The following UHRF2 variants were observed in gnomAD, a reference collection of about 807,000 sequenced individuals.
UHRF2 encodes ubiquitin like with PHD and ring finger domains 2.
UHRF2 carries 23 observed loss-of-function variants against 96.8 expected under a neutral mutation model. The observed-to-expected ratio is 0.24, with a 90% confidence interval of 0.17 to 0.34. The LOEUF is 0.34. Ranked by LOEUF, UHRF2 falls within the 10% of genes least tolerant of loss-of-function variation. The pLI, the probability that UHRF2 is intolerant of heterozygous loss-of-function variation, is 1.00. For synonymous variants in UHRF2, 385 were observed against 332.6 expected, an observed-to-expected ratio of 1.16 and a Z score of -1.72; for missense variants, 685 against 981.5, an observed-to-expected ratio of 0.70 and a Z score of 4.04.
chr9:6,497,132 C>CT, intron 10 of UHRF2, 66 bp from the exon 11 acceptor site: 1 of 1,430,566 alleles, frequency 7.0e-7, no homozygotes, highest in Admixed American at 1.9e-5. Context: ...TTTAATTGAG[C>CT]TAATGACTCG....
chr9:6,449,416 A>T (rs1467417841), intron 3 of UHRF2: 1 of 152,268 alleles, frequency 6.6e-6, no homozygotes, highest in Non-Finnish European at 1.5e-5. Context: ...TCAAAATGAT[A>T]GACCAGCATC....
At chr9:6,475,275 A>G in intron 4 of UHRF2, 116 bp from the exon 5 acceptor site, 1 of 546,446 alleles carries the variant, frequency 1.8e-6, no homozygotes, top group Non-Finnish European at 3.1e-6. Flanking sequence ...AATAGCTCTA[A>G]TCTCAATTTA....
intron 11 of UHRF2, among the ~76,000 whole-genome samples, chr9:6,497,751 C>T (rs191394666): frequency 1.3e-5 from 2 of 152,206 alleles, no homozygotes; most frequent in Admixed American, 6.5e-5. Flanking sequence ...GAGGCATTTG[C>T]TGCCATCTTT....
intron 9 of UHRF2, among the ~76,000 whole-genome samples, chr9:6,487,504 T>A (rs972677635): frequency 2.0e-5 from 3 of 152,202 alleles, no homozygotes; most frequent in Non-Finnish European, 4.4e-5. Context: ...GTAGCTGGGA[T>A]TACAAGTATG....
chr9:6,421,851 C>T (rs1017277533), intron 2 of UHRF2, among the ~76,000 whole-genome samples: 1 of 152,116 alleles, frequency 6.6e-6, no homozygotes, highest in African/African-American at 2.4e-5. Flanking sequence ...TTTCTCTAGG[C>T]AGTATGTTTT....
rs2297445 is a variant in UHRF2, at chr9:6,496,863, A to G, written c.1605-335A>G. On this transcript the variant is annotated intron_variant, in intron 10 of 15. Transcript: ENST00000276893. ...AAAAATCATTTGCTTTAGTTTTCCA[A>G]CGTTCTCCCTTCCCCCAACAAACGT... The G allele has an allele frequency of 1.5e-4, 27 of 180,574 alleles. No individual in the cohort carries two copies. The East Asian group carries it at 2.5e-3, about 16-fold the overall frequency. The allele number at this position is 180,574 out of a possible 1,614,324, so 11.2% of individuals were successfully genotyped here. A position where few individuals can be genotyped will look rare whatever the true frequency, so the allele number is the denominator to read the frequency against.
At chr9:6,443,317 T>C (rs936933349) in intron 3 of UHRF2, among the ~76,000 whole-genome samples, 57 of 152,188 alleles carry the variant, frequency 3.7e-4, no homozygotes, top group African/African-American at 1.3e-3. Context: ...GATTATCTCA[T>C]GTAATCTTCA....
intron 8 of UHRF2, among the ~76,000 whole-genome samples, chr9:6,484,234 TTTTTGTTTTG>T (rs966643602): frequency 4.0e-5 from 6 of 151,850 alleles, no homozygotes; most frequent in Admixed American, 1.3e-4. Flanking sequence ...CCTGGCTGTG[TTTTTGTTTTG>T]TTTTGTTTTT....
In UHRF2 at chr9:6,506,090, G is replaced by C; in HGVS notation, c.2320G>C (p.Asp774His). Residue 774 changes from aspartate (D) to histidine (H), a missense_variant, in exon 16 of 16, where the codon GAT (aspartate) becomes CAT (histidine). Asp to His is a moderately conservative substitution (Grantham distance 81). Coordinates refer to ENST00000276893, the MANE Select transcript of UHRF2 (RefSeq NM_152896.3). ...TTTCTCCTGCCCTGCTTGCCGGCAT[G>C]ATCTTGGCCAGAATTACATCATGAT... is the stretch of plus-strand genomic sequence containing the variant. Reference protein sequence around the residue: ...QVFSCPACRHDLGQNYIMIPN... With the variant: ...QVFSCPACRHHLGQNYIMIPN... The C allele has an allele frequency of 6.2e-7, 1 of 1,614,198 alleles. No individual in the cohort carries two copies. The highest frequency in any genetic ancestry group is 8.5e-7 in the Non-Finnish European group (1 of 1,180,040).
At chr9:6,485,930 A>C (rs1824265461) in intron 8 of UHRF2, among the ~76,000 whole-genome samples, 1 of 152,010 alleles carries the variant, frequency 6.6e-6, no homozygotes, top group Admixed American at 6.6e-5. Flanking sequence ...GTGAGGCAGG[A>C]ATGAAGATAT....
intron 3 of UHRF2, among the ~76,000 whole-genome samples, chr9:6,440,025 A>G (rs910931333): frequency 5.9e-5 from 9 of 152,158 alleles, no homozygotes; most frequent in South Asian, 2.1e-4. Flanking sequence ...ATCTTCCTCA[A>G]TGTTCTGTAT....
Position 6,507,011 on chromosome 9 carries a change from A to G in UHRF2, c.*832A>G, listed in dbSNP as rs1248364129. 1.3e-5 allele frequency: 2 copies of G among 152,446 alleles called. No homozygotes were observed. Among genetic ancestry groups the G allele is most frequent in the Non-Finnish European group, 2.9e-5 (2 of 68,032 alleles). 9.4% of individuals were successfully genotyped at this position (152,446 alleles called of 1,614,324 possible). A position where few individuals can be genotyped will look rare whatever the true frequency, so the allele number is the denominator to read the frequency against. ...TGATCCTAAATTTTATATTCACTAT[A>G]TTCCCTAAAGTATACCTTAATAAAT... On this transcript the variant is annotated 3_prime_UTR_variant, in exon 16 of 16. Transcript: ENST00000276893.
intron 3 of UHRF2, among the ~76,000 whole-genome samples, chr9:6,459,503 T>C (rs933199628): frequency 2.8e-4 from 42 of 152,140 alleles, no homozygotes; most frequent in African/African-American, 1.0e-3. Flanking sequence ...ACCCCGTCTC[T>C]ACTAAAAATT....
At chr9:6,495,480 G>C (rs975194784) in intron 10 of UHRF2, 15 of 152,204 alleles carry the variant, frequency 9.9e-5, no homozygotes, top group African/African-American at 3.4e-4. Flanking sequence ...CTGACCCATA[G>C]TATACTCTTT....
intron 12 of UHRF2, chr9:6,499,050 A>G (rs928641349): frequency 6.6e-6 from 1 of 152,246 alleles, no homozygotes; most frequent in African/African-American, 2.4e-5. Context: ...TCTTTTTAAT[A>G]TAAAAATAAC....
At chr9:6,476,864 A>G (rs1002240730) in intron 5 of UHRF2, among the ~76,000 whole-genome samples, 1 of 152,148 alleles carries the variant, frequency 6.6e-6, no homozygotes, top group Non-Finnish European at 1.5e-5. Context: ...AAGTGCTGGT[A>G]TTACAGGCAT....
At chr9:6,463,907 G>C (rs1822711020) in intron 4 of UHRF2, among the ~76,000 whole-genome samples, 1 of 152,170 alleles carries the variant, frequency 6.6e-6, no homozygotes, top group Admixed American at 6.5e-5. Context: ...GCTGCCATCA[G>C]GTTCTTGTAC....
chr9:6,447,137 C>A (rs1821566251), intron 3 of UHRF2, among the ~76,000 whole-genome samples: 2 of 152,144 alleles, frequency 1.3e-5, no homozygotes, highest in African/African-American at 4.8e-5. Flanking sequence ...GATCTGCCCG[C>A]TTCTGCCTCC....
intron 3 of UHRF2, among the ~76,000 whole-genome samples, chr9:6,447,654 C>G (rs1025204573): frequency 6.6e-6 from 1 of 152,164 alleles, no homozygotes; most frequent in African/African-American, 2.4e-5. Context: ...CTTTCCACTC[C>G]TTCCTAAACC....
Sources: gnomAD v4.1 joint callset for allele counts (sites outside exome capture counted in the v4.1 genomes callset) on GRCh38, gnomAD v4.1.1 for gene constraint, MANE v1.5 for transcripts, NCBI Gene and HGNC (gene_info 2026-07-23, HGNC 2026-07-21) for gene names.